Variants in NPC1 observed in about 807,000 individuals in gnomAD.
The protein encoded by NPC1 is NPC intracellular cholesterol transporter 1.
NPC1 carries 85 observed loss-of-function variants against 140.4 expected under a neutral mutation model. The ratio of observed to expected loss-of-function variants is 0.61; its 90% CI spans 0.51 to 0.72. The LOEUF (loss-of-function observed/expected upper bound fraction) is 0.72, where lower values mean the gene tolerates loss of function less well. Ranked by LOEUF, NPC1 falls within the 30% of genes least tolerant of loss-of-function variation. The pLI is 0.00. For missense variants in NPC1, 1,504 were observed against 1,623.8 expected, an observed-to-expected ratio of 0.93 and a Z score of 1.27; for synonymous variants, 656 against 624.8, an observed-to-expected ratio of 1.05 and a Z score of -0.74.
downstream of NPC1, chr18:23,529,068 C>T: frequency 6.7e-7 from 1 of 1,483,614 alleles, no homozygotes; most frequent in Non-Finnish European, 9.0e-7. Context: ...AAAGTGTTTT[C>T]CGCTCATATC....
intron 13 of NPC1, 93 bp downstream of exon 13, chr18:23,544,251 A>AC: frequency 8.2e-7 from 1 of 1,226,542 alleles, no homozygotes; most frequent in Non-Finnish European, 1.2e-6. Flanking sequence ...AAACACCCTC[A>AC]CAGGTCACAC....
chr18:23,517,918 A>G (rs1002184837), downstream of NPC1, among the ~76,000 whole-genome samples: 1 of 151,854 alleles, frequency 6.6e-6, no homozygotes, highest in Non-Finnish European at 1.5e-5. Context: ...GAGTTTCACC[A>G]TGTTGCCCAG....
At chr18:23,567,740 C>G (rs898137616) in intron 4 of NPC1, among the ~76,000 whole-genome samples, 1 of 152,112 alleles carries the variant, frequency 6.6e-6, no homozygotes. Flanking sequence ...CAACTTACTA[C>G]GTACTGCAAA....
At chr18:23,578,422 C>T (rs920075528) in intron 1 of NPC1, among the ~76,000 whole-genome samples, 2 of 152,242 alleles carry the variant, frequency 1.3e-5, no homozygotes, top group African/African-American at 4.8e-5. Flanking sequence ...TCCCCAAACC[C>T]CACCGTGTGC....
At chr18:23,559,492 C>CTTTTT (rs57612444) in intron 6 of NPC1, among the ~76,000 whole-genome samples, 156 of 81,390 alleles carry the variant, frequency 1.9e-3, no homozygotes, top group Middle Eastern at 0.026. Flanking sequence ...TTGACTCTGA[C>CTTTTT]TTTTTTTTTT....
downstream of NPC1, chr18:23,530,499 G>A (rs778109735): frequency 3.1e-6 from 5 of 1,614,112 alleles, no homozygotes; most frequent in Admixed American, 1.7e-5. Flanking sequence ...ATTTCTGCAC[G>A]AAAATTTTTA....
chr18:23,531,739 CAA>C lies in NPC1; in HGVS notation c.*461_*462del, dbSNP rs1199511973. ...CTGTTTTTTTATATAAAAATGTGTA[CAA>C]AGTTAATTTATTGCATTAATAAAGC... On this transcript the variant is annotated 3_prime_UTR_variant, in exon 25 of 25. Coordinates refer to ENST00000269228, the MANE Select transcript of NPC1 (RefSeq NM_000271.5). 2.5e-6 allele frequency: 4 copies of C among 1,591,874 alleles called. No individual in the cohort carries two copies. The highest frequency in any genetic ancestry group is 1.9e-5 in the Admixed American group (1 of 53,706).
rs2058763448 is a variant in NPC1, at chr18:23,544,943, A to AACCCC, written c.1947+16_1947+17insGGGGT. 4.4e-5 allele frequency: 46 copies of AACCCC among 1,042,242 alleles called. No individual in the cohort carries two copies. Among genetic ancestry groups the AACCCC allele is most frequent in the South Asian group, 9.4e-5 (7 of 74,752 alleles). 64.6% of individuals were successfully genotyped at this position (1,042,242 alleles called of 1,614,324 possible). A position where few individuals can be genotyped will look rare whatever the true frequency, so the allele number is the denominator to read the frequency against. ...GCTGTTAACCTCTAGAACATACACC[A>AACCCC]CCCCCCCCCGGCTTACCAGAAGCCT... On this transcript the variant is annotated intron_variant, in intron 12 of 24. Transcript: ENST00000269228.
intron 6 of NPC1, among the ~76,000 whole-genome samples, chr18:23,559,310 G>T (rs143509279): frequency 0.012 from 1,767 of 152,062 alleles, 35 homozygotes; most frequent in African/African-American, 0.041. Context: ...TTGTATCATC[G>T]GGGAAACTGG....
At chr18:23,511,182 T>C (rs2057849159) in intron 3 of NPC1, among the ~76,000 whole-genome samples, 1 of 152,222 alleles carries the variant, frequency 6.6e-6, no homozygotes, top group Non-Finnish European at 1.5e-5. Context: ...TGTGGGAACA[T>C]GGATGGAGCT....
chr18:23,573,565 G>A lies in NPC1; in HGVS notation c.67C>T (p.Gln23Ter). The change falls in exon 2 of 25, where the codon CAG becomes TAG. Residue 23 changes from glutamine (Q) to a stop codon, truncating the protein, a stop_gained. Transcript: ENST00000269228. LOFTEE classifies it high-confidence loss of function. ...LLLCPAQVFS[Q>*]SCVWYGECGI... ...CACTCTCCATACCAAACACAGGACTGTGAAAACACCTACAGAAAGTCAACA... is the reference window on the plus strand; with the variant it reads ...CACTCTCCATACCAAACACAGGACTATGAAAACACCTACAGAAAGTCAACA... The A allele has an allele frequency of 6.2e-7, 1 of 1,614,144 alleles. No homozygotes were observed. Among genetic ancestry groups the A allele is most frequent in the Non-Finnish European group, 8.5e-7 (1 of 1,180,012 alleles).
chr18:23,518,368 T>C (rs2058063516), downstream of NPC1, among the ~76,000 whole-genome samples: 1 of 152,116 alleles, frequency 6.6e-6, no homozygotes, highest in Non-Finnish European at 1.5e-5. Flanking sequence ...GGCACGTGCA[T>C]GTAGTCCTAG....
chr18:23,569,623 A>G (rs1464224380), intron 3 of NPC1, among the ~76,000 whole-genome samples: 1 of 152,184 alleles, frequency 6.6e-6, no homozygotes, highest in African/African-American at 2.4e-5. Flanking sequence ...ACCAGCTGAC[A>G]GTTTTGATTA....
At chr18:23,535,447 C>A in intron 22 of NPC1, 22 bp downstream of exon 22, 1 of 1,548,428 alleles carries the variant, frequency 6.5e-7, no homozygotes, top group Non-Finnish European at 8.9e-7. Flanking sequence ...TAGGGACAAA[C>A]TGAGACTGTA....
At position 23,531,959 on chromosome 18, in the gene NPC1, G is replaced by C; in HGVS notation, c.*243C>G. The C allele has an allele frequency of 2.1e-6, 3 of 1,447,402 alleles. No individual in the cohort carries two copies. The highest frequency in any genetic ancestry group is 2.7e-6 in the Non-Finnish European group (3 of 1,107,856). The allele number at this position is 1,447,402 out of a possible 1,614,324, so 89.7% of individuals were successfully genotyped here. On this transcript the variant is annotated 3_prime_UTR_variant, in exon 25 of 25. Coordinates refer to ENST00000269228, the MANE Select transcript of NPC1 (RefSeq NM_000271.5). ...CACCTCCTGCTTGCCAAAGAATGAG[G>C]TTTCTTTCCTGAAGAGGCTGGGAGA...
chr18:23,543,956 AC>A (rs2058748304), intron 13 of NPC1, among the ~76,000 whole-genome samples: 1 of 152,178 alleles, frequency 6.6e-6, no homozygotes, highest in South Asian at 2.1e-4. Context: ...TTTTAGTGGC[AC>A]CTTTGGGCAA....
intron 9 of NPC1, among the ~76,000 whole-genome samples, chr18:23,552,155 GATGGTGGTTTGGCAAGTCCTGT>G (rs2058881970): frequency 6.6e-6 from 1 of 152,172 alleles, no homozygotes; most frequent in African/African-American, 2.4e-5. Context: ...ATGAGAGCAA[GATGGTGGTTTGGCAAGTCCTGT>G]ATGCCGGGTA....
intron 4 of NPC1, among the ~76,000 whole-genome samples, chr18:23,562,307 A>C (rs528526780): frequency 6.6e-6 from 1 of 151,782 alleles, no homozygotes; most frequent in African/African-American, 2.4e-5. Flanking sequence ...AAAAAAAAAA[A>C]ACAAAAAAAA....
rs61731962 is a variant in NPC1, at chr18:23,556,269, G to A, written c.1300C>T (p.Pro434Ser). The change falls in exon 8 of 25, where the codon CCG (proline) becomes TCG (serine). Residue 434 changes from proline (P) to serine (S), a missense_variant. Coordinates refer to ENST00000269228, the MANE Select transcript of NPC1 (RefSeq NM_000271.5). ...TGGTGCAGTATCTGTATGTCAAGCG[G>A]AGGTCCAAAGGGTACATCAGCTCCC... is the stretch of plus-strand genomic sequence containing the variant. ...PSGADVPFGP[P>S]LDIQILHQVL... 2.2e-3 allele frequency: 3,564 copies of A among 1,614,096 alleles called. 69 individuals carry two copies. The African/African-American group carries it at 0.044, about 20-fold the overall frequency.
Sources: allele counts gnomAD v4.1 joint callset (sites outside exome capture counted in the v4.1 genomes callset), GRCh38; gene constraint gnomAD v4.1.1; transcripts MANE v1.5; gene names NCBI Gene and HGNC (gene_info 2026-07-23, HGNC 2026-07-21).